XPR1: variants seen among roughly 807,000 people sequenced by gnomAD.
The protein encoded by XPR1 is solute carrier family 53 member 1.
Under a neutral mutation model 87.5 loss-of-function variants are expected in XPR1, and 28 were observed. The ratio of observed to expected loss-of-function variants is 0.32; its 90% CI spans 0.24 to 0.44. XPR1 has a LOEUF of 0.44. XPR1 is among the 20% of genes least tolerant of loss of function. The pLI, the probability that XPR1 is intolerant of heterozygous loss-of-function variation, is 1.00. For missense variants in XPR1, 559 were observed against 862.3 expected, an observed-to-expected ratio of 0.65 and a Z score of 4.41; for synonymous variants, 300 against 306.1, an observed-to-expected ratio of 0.98 and a Z score of 0.21.
intron 2 of XPR1, among the ~76,000 whole-genome samples, chr1:180,696,212 A>G (rs61809336): frequency 0.048 from 5,176 of 107,360 alleles, 95 homozygotes; most frequent in Non-Finnish European, 0.057. Context: ...GTGTGTGTAT[A>G]TATATATATA....
intron 1 of XPR1, among the ~76,000 whole-genome samples, chr1:180,638,552 T>G (rs1013877088): frequency 7.9e-5 from 12 of 152,284 alleles, no homozygotes; most frequent in South Asian, 4.1e-4. Flanking sequence ...AACAAATACC[T>G]TACAAATCAT....
intron 11 of XPR1, among the ~76,000 whole-genome samples, chr1:180,840,229 CAAAAAAAA>C (rs5779073): frequency 1.5e-5 from 1 of 66,846 alleles, no homozygotes; most frequent in African/African-American, 5.1e-5. Flanking sequence ...GACTCTGTCT[CAAAAAAAA>C]AAAAAAAAAA....
chr1:180,831,608 C>G (rs1343338774), intron 9 of XPR1, among the ~76,000 whole-genome samples: 1 of 131,830 alleles, frequency 7.6e-6, no homozygotes, highest in Non-Finnish European at 1.6e-5. Context: ...CATATGTTCT[C>G]TTTGCTAAAC....
intron 2 of XPR1, among the ~76,000 whole-genome samples, chr1:180,785,011 T>TTGTG (rs1186269708): frequency 0.18 from 23,936 of 136,186 alleles, 2,322 homozygotes; most frequent in East Asian, 0.34. Context: ...GTGTGTGTGT[T>TTGTG]TGTGTGTGTG....
At chr1:180,863,156 A>G (rs1652274337) in intron 11 of XPR1, among the ~76,000 whole-genome samples, 1 of 152,104 alleles carries the variant, frequency 6.6e-6, no homozygotes, top group African/African-American at 2.4e-5. Flanking sequence ...GCTTTCATAC[A>G]TATCCTTAAG....
chr1:180,640,868 A>G (rs567984617), intron 1 of XPR1, among the ~76,000 whole-genome samples: 1 of 152,332 alleles, frequency 6.6e-6, no homozygotes, highest in Non-Finnish European at 1.5e-5. Context: ...CTTCTGGATC[A>G]TAAATCATGG....
intron 2 of XPR1, among the ~76,000 whole-genome samples, chr1:180,746,246 T>A (rs1303555092): frequency 1.3e-5 from 2 of 152,276 alleles, no homozygotes; most frequent in East Asian, 3.9e-4. Flanking sequence ...TTACCCAGTG[T>A]GTAGTATTTT....
chr1:180,672,239 GTGT>G (rs1423587113), intron 1 of XPR1, among the ~76,000 whole-genome samples: 1 of 152,050 alleles, frequency 6.6e-6, no homozygotes, highest in African/African-American at 2.4e-5. Context: ...TAAAACTTTA[GTGT>G]TGTAACAACT....
chr1:180,715,675 A>C (rs186657543), intron 2 of XPR1, among the ~76,000 whole-genome samples: 16 of 149,930 alleles, frequency 1.1e-4, no homozygotes, highest in Admixed American at 9.9e-4. Context: ...TTTTTTCTTT[A>C]TCTTTCTTTC....
chr1:180,706,410 G>T (rs1319763091), intron 2 of XPR1, among the ~76,000 whole-genome samples: 1 of 152,110 alleles, frequency 6.6e-6, no homozygotes, highest in Non-Finnish European at 1.5e-5. Flanking sequence ...GTATCTGTCA[G>T]CAACAATTAG....
At chr1:180,859,510 C>A (rs1023701809) in intron 11 of XPR1, among the ~76,000 whole-genome samples, 5 of 152,066 alleles carry the variant, frequency 3.3e-5, no homozygotes, top group Non-Finnish European at 5.9e-5. Context: ...GTGATAATAT[C>A]TTTCCAGGAC....
intron 2 of XPR1, among the ~76,000 whole-genome samples, chr1:180,717,173 A>T (rs940101510): frequency 6.6e-6 from 1 of 152,094 alleles, no homozygotes; most frequent in Non-Finnish European, 1.5e-5. Flanking sequence ...TTGTATTTTT[A>T]GTAGAGAAGG....
intron 4 of XPR1, among the ~76,000 whole-genome samples, chr1:180,804,475 C>A (rs1446298720): frequency 6.6e-6 from 1 of 152,122 alleles, no homozygotes; most frequent in Non-Finnish European, 1.5e-5. Context: ...AAGCATCTAT[C>A]TAATCTTTAG....
At chr1:180,831,084 A>G (rs1423519812) in intron 9 of XPR1, among the ~76,000 whole-genome samples, 2 of 152,250 alleles carry the variant, frequency 1.3e-5, no homozygotes, top group Non-Finnish European at 2.9e-5. Flanking sequence ...CAAGATGTAC[A>G]CAGTCATTAC....
At chr1:180,764,745 C>T (rs1182277480) in intron 2 of XPR1, among the ~76,000 whole-genome samples, 1 of 151,142 alleles carries the variant, frequency 6.6e-6, no homozygotes, top group East Asian at 1.9e-4. Context: ...GCTGGGATTA[C>T]AGGTATGAGC....
chr1:180,866,780 T>G (rs1652406248), intron 12 of XPR1, among the ~76,000 whole-genome samples: 1 of 151,410 alleles, frequency 6.6e-6, no homozygotes, highest in African/African-American at 2.4e-5. Flanking sequence ...GATATAACAC[T>G]ATACACATAT....
chr1:180,725,665 C>T (rs544571334), intron 2 of XPR1, among the ~76,000 whole-genome samples: 1 of 152,312 alleles, frequency 6.6e-6, no homozygotes, highest in South Asian at 2.1e-4. Flanking sequence ...AACAAATTCA[C>T]CGAAGTCTCA....
intron 2 of XPR1, among the ~76,000 whole-genome samples, chr1:180,699,863 C>T (rs1247591927): frequency 3.8e-5 from 1 of 26,096 alleles, no homozygotes; most frequent in Non-Finnish European, 6.5e-5. Flanking sequence ...TCTCCACATC[C>T]TCTCCAGCAC....
intron 2 of XPR1, among the ~76,000 whole-genome samples, chr1:180,708,920 G>C (rs1198908134): frequency 1.9e-5 from 2 of 103,926 alleles, no homozygotes; most frequent in African/African-American, 3.8e-5. Flanking sequence ...GGGGGGGGGG[G>C]GGCGGGGGCG....
Sources: allele counts gnomAD v4.1 joint callset (sites outside exome capture counted in the v4.1 genomes callset), GRCh38; gene constraint gnomAD v4.1.1; transcripts MANE v1.5; gene names NCBI Gene and HGNC (gene_info 2026-07-23, HGNC 2026-07-21).